Variants in VPS13B observed in about 807,000 individuals in gnomAD.
VPS13B encodes intermembrane lipid transfer protein VPS13B.
A neutral mutation model predicts 426.4 loss-of-function variants in VPS13B; 285 were observed. The observed-to-expected ratio is 0.67, with a 90% confidence interval of 0.61 to 0.74. The LOEUF (loss-of-function observed/expected upper bound fraction) is 0.74, where lower values mean the gene tolerates loss of function less well. Among genes scored for constraint, VPS13B ranks in the 30% least tolerant of loss-of-function variants. The pLI, the probability that VPS13B is intolerant of heterozygous loss-of-function variation, is 0.00. For synonymous variants in VPS13B, 1,676 were observed against 1,676.4 expected (o/e 1.00, Z 0.01); for missense variants, 4,537 against 4,782.6 (o/e 0.95, Z 1.51).
intron 39 of VPS13B, among the ~76,000 whole-genome samples, chr8:99,745,028 A>G (rs1449545274): frequency 1.3e-5 from 2 of 152,044 alleles, no homozygotes; most frequent in African/African-American, 4.8e-5. Flanking sequence ...ATTAAAATAT[A>G]TCATTTGATA....
intron 31 of VPS13B, among the ~76,000 whole-genome samples, chr8:99,570,032 T>C (rs561152895): frequency 6.6e-6 from 1 of 152,288 alleles, no homozygotes; most frequent in South Asian, 2.1e-4. Flanking sequence ...TTTATTGGAG[T>C]ACATCAGCGA....
chr8:99,676,616 A>G (rs761952070), intron 35 of VPS13B, among the ~76,000 whole-genome samples: 12 of 151,780 alleles, frequency 7.9e-5, no homozygotes, highest in Non-Finnish European at 1.3e-4. Flanking sequence ...CTACTCTCTT[A>G]AGTACATCTT....
intron 31 of VPS13B, among the ~76,000 whole-genome samples, chr8:99,567,396 T>TA (rs1182345580): frequency 6.6e-6 from 1 of 152,048 alleles, no homozygotes; most frequent in African/African-American, 2.4e-5. Context: ...TTGTAATAAA[T>TA]AGACGTAGCA....
chr8:99,314,110 G>A lies in VPS13B; in HGVS notation c.2824+38856G>A, dbSNP rs560280505. 3.1e-4 allele frequency among the ~76,000 whole-genome samples: 47 copies of A among 152,252 alleles called. 1 individual carries two copies. The highest frequency in any genetic ancestry group is 2.6e-3 in the Admixed American group (39 of 15,292). ...GAAAGGGAATTCCCTGACCCTTTGCGCTTCCCTGGTGAGGCGATGCCTTGC... is the reference window on the plus strand; with the variant it reads ...GAAAGGGAATTCCCTGACCCTTTGCACTTCCCTGGTGAGGCGATGCCTTGC... On this transcript the variant is annotated intron_variant, in intron 19 of 61. Transcript: ENST00000357162.
chr8:99,028,727 C>T (rs1346953357), intron 2 of VPS13B, among the ~76,000 whole-genome samples: 1 of 144,924 alleles, frequency 6.9e-6, no homozygotes, highest in Admixed American at 6.8e-5. Flanking sequence ...GGCTGACCCC[C>T]CCACCTCCCT....
intron 39 of VPS13B, among the ~76,000 whole-genome samples, chr8:99,727,373 C>T (rs756368827): frequency 2.0e-5 from 3 of 152,160 alleles, no homozygotes; most frequent in Non-Finnish European, 2.9e-5. Flanking sequence ...GCCAAACACA[C>T]AAGATGGATT....
intron 61 of VPS13B, among the ~76,000 whole-genome samples, chr8:99,872,600 T>C (rs1817483390): frequency 6.6e-6 from 1 of 152,212 alleles, no homozygotes; most frequent in Non-Finnish European, 1.5e-5. Flanking sequence ...CTGCCCCTCC[T>C]TCCTGGATGA....
At chr8:99,446,383 G>A (rs913977720) in intron 23 of VPS13B, among the ~76,000 whole-genome samples, 2 of 151,946 alleles carry the variant, frequency 1.3e-5, no homozygotes, top group Non-Finnish European at 2.9e-5. Flanking sequence ...CTTGGAAGTC[G>A]TTTGTCCTTT....
At position 99,151,490 on chromosome 8, in the gene VPS13B, C is replaced by A. The variant is rs577558828; in HGVS notation, c.2013+3480C>A. On this transcript the variant is annotated intron_variant, in intron 14 of 61. Coordinates refer to ENST00000357162, the MANE Select transcript of VPS13B (RefSeq NM_152564.5). ...GTATCCTTTACGAATTGGTCCATTT[C>A]ATCTAGGTTATCAAATTTGTAGGTA... Among the ~76,000 whole-genome samples, 5 of 152,118 alleles carry A rather than the reference C, an allele frequency of 3.3e-5. No homozygotes were observed. The South Asian group carries it at 1.0e-3, about 32-fold the overall frequency.
At chr8:99,397,719 A>C (rs1345518740) in intron 21 of VPS13B, among the ~76,000 whole-genome samples, 3 of 152,192 alleles carry the variant, frequency 2.0e-5, no homozygotes, top group Non-Finnish European at 4.4e-5. Flanking sequence ...ATGGTTCATG[A>C]TGGTGGCTTC....
chr8:99,633,322 T>C (rs755566575), intron 33 of VPS13B, among the ~76,000 whole-genome samples: 3 of 152,084 alleles, frequency 2.0e-5, no homozygotes, highest in Non-Finnish European at 4.4e-5. Flanking sequence ...CACAGTCGAC[T>C]TCTATATTGC....
At chr8:99,430,502 A>G (rs1424997848) in intron 21 of VPS13B, among the ~76,000 whole-genome samples, 1 of 152,180 alleles carries the variant, frequency 6.6e-6, no homozygotes, top group African/African-American at 2.4e-5. Flanking sequence ...TTTAGTTATA[A>G]TACATTACTA....
At chr8:99,360,083 T>C (rs575657509) in intron 19 of VPS13B, among the ~76,000 whole-genome samples, 1 of 148,446 alleles carries the variant, frequency 6.7e-6, no homozygotes, top group East Asian at 2.0e-4. Context: ...ATTACAGGCA[T>C]GAGTCACTGT....
chr8:99,450,497 A>G (rs1818134740), intron 23 of VPS13B, among the ~76,000 whole-genome samples: 1 of 152,126 alleles, frequency 6.6e-6, no homozygotes, highest in Admixed American at 6.5e-5. Flanking sequence ...GGCAGATCAC[A>G]AGGTTAGGAG....
rs116519728 is a variant in VPS13B, at chr8:99,362,671, T to C, written c.2825-21537T>C. Among the ~76,000 whole-genome samples, 788 of 152,304 alleles carry C rather than the reference T, an allele frequency of 5.2e-3. 7 individuals are homozygous for C. The highest frequency in any genetic ancestry group is 0.017 in the African/African-American group (698 of 41,572). On this transcript the variant is annotated intron_variant, in intron 19 of 61. Transcript: ENST00000357162. ...TCAGGGCATTTAGGTTTTAAATGCC[T>C]CTCCATTGTGTGTATGCATCACATT...
Position 99,098,621 on chromosome 8 carries a change from T to C in VPS13B, c.412+2189T>C, listed in dbSNP as rs117467438. 1.1e-3 allele frequency among the ~76,000 whole-genome samples: 172 copies of C among 152,272 alleles called. 1 individual carries two copies. The highest frequency in any genetic ancestry group is 5.0e-3 in the Admixed American group (76 of 15,306). On this transcript the variant is annotated intron_variant, in intron 4 of 61. Transcript: ENST00000357162. The stretch of plus-strand genomic sequence containing the variant: ...TTGCATACACCTCTGCTTATATCTT[T>C]AGGAAAACTCCTTTCCAATTTATAG...
intron 24 of VPS13B, among the ~76,000 whole-genome samples, chr8:99,477,817 A>T (rs976917506): frequency 6.6e-6 from 1 of 152,154 alleles, no homozygotes; most frequent in Non-Finnish European, 1.5e-5. Flanking sequence ...GACACTGTGT[A>T]TATTTATCTG....
chr8:99,359,067 T>C (rs1245921172), intron 19 of VPS13B, among the ~76,000 whole-genome samples: 1 of 152,196 alleles, frequency 6.6e-6, no homozygotes, highest in Non-Finnish European at 1.5e-5. Context: ...TTATTATAAA[T>C]AAGTCCTTTT....
chr8:99,274,810 C>T (rs1818808053), intron 18 of VPS13B, among the ~76,000 whole-genome samples: 1 of 151,712 alleles, frequency 6.6e-6, no homozygotes, highest in African/African-American at 2.4e-5. Context: ...TTATAAAAGT[C>T]CAGATTTCAT....
Sources: gnomAD v4.1 joint callset for allele counts (sites outside exome capture counted in the v4.1 genomes callset) on GRCh38, gnomAD v4.1.1 for gene constraint, MANE v1.5 for transcripts, NCBI Gene and HGNC (gene_info 2026-07-23, HGNC 2026-07-21) for gene names.